Variants in ZNF516 observed in about 807,000 individuals in gnomAD.
The protein encoded by ZNF516 is zinc finger protein 516.
Under a neutral mutation model 79.7 loss-of-function variants are expected in ZNF516, and 19 were observed. The ratio of observed to expected loss-of-function variants is 0.24; its 90% CI spans 0.17 to 0.35. ZNF516 has a LOEUF of 0.35. Ranked by LOEUF, ZNF516 falls within the 10% of genes least tolerant of loss-of-function variation. The probability of loss-of-function intolerance (pLI) is 1.00; values close to 1 mark genes in which losing one functional copy is unlikely to be tolerated. For synonymous variants in ZNF516, 877 were observed against 739.5 expected, an observed-to-expected ratio of 1.19 and a Z score of -3.02; for missense variants, 1,678 against 1,679.5, an observed-to-expected ratio of 1.00 and a Z score of 0.02.
intron 3 of ZNF516, among the ~76,000 whole-genome samples, chr18:76,427,402 C>T (rs2075609799): frequency 6.6e-6 from 1 of 152,140 alleles, no homozygotes; most frequent in South Asian, 2.1e-4. Flanking sequence ...CATAACATAA[C>T]CTACCAGAAA....
intron 6 of ZNF516, among the ~76,000 whole-genome samples, chr18:76,367,098 C>T (rs141524648): frequency 1.5e-3 from 234 of 152,314 alleles, no homozygotes; most frequent in African/African-American, 5.1e-3. Flanking sequence ...TGAATTCTAT[C>T]TGGAAATGTT....
chr18:76,373,409 A>C (rs950692877), intron 4 of ZNF516, among the ~76,000 whole-genome samples: 4 of 152,158 alleles, frequency 2.6e-5, no homozygotes, highest in African/African-American at 9.7e-5. Context: ...TGCATTAGAA[A>C]CACCACCCAG....
At chr18:76,437,097 C>CACACACACACACAT (rs1158763514) in intron 3 of ZNF516, among the ~76,000 whole-genome samples, 1 of 151,180 alleles carries the variant, frequency 6.6e-6, no homozygotes, top group African/African-American at 2.5e-5. Flanking sequence ...CACACACACA[C>CACACACACACACAT]ACATACCGTC....
chr18:76,417,199 C>G (rs982835226), intron 3 of ZNF516, among the ~76,000 whole-genome samples: 4 of 152,164 alleles, frequency 2.6e-5, no homozygotes, highest in African/African-American at 9.7e-5. Context: ...CATCTGGTCC[C>G]TTATTCTCAA....
At chr18:76,423,851 G>T (rs1226321664) in intron 3 of ZNF516, among the ~76,000 whole-genome samples, 1 of 137,094 alleles carries the variant, frequency 7.3e-6, no homozygotes, top group East Asian at 2.3e-4. Flanking sequence ...AGGTGAAAAG[G>T]CTCCCCCAAA....
chr18:76,492,074 G>A (rs1222931684), intron 1 of ZNF516: 4 of 812,316 alleles, frequency 4.9e-6, no homozygotes, highest in Admixed American at 6.2e-5. Flanking sequence ...GCGCATGGAC[G>A]AGGTCCCTCC....
At chr18:76,371,353 C>T (rs530898953) in intron 5 of ZNF516, 114 bp downstream of exon 5, 1 of 1,108,480 alleles carries the variant, frequency 9.0e-7, no homozygotes, top group African/African-American at 1.6e-5. Flanking sequence ...CCCCCCGCCG[C>T]CTGGTAGGGG....
At position 76,441,251 on chromosome 18, in the gene ZNF516, C is replaced by T; in HGVS notation, c.1804G>A (p.Ala602Thr). 6.2e-7 allele frequency: 1 copy of T among 1,609,198 alleles called. No homozygotes were observed. The highest frequency in any genetic ancestry group is 8.5e-7 in the Non-Finnish European group (1 of 1,178,696). Residue 602 changes from alanine (A) to threonine (T), a missense_variant, in exon 3 of 7, where the codon GCA (alanine) becomes ACA (threonine). Coordinates refer to ENST00000443185, the MANE Select transcript of ZNF516 (RefSeq NM_014643.4). ...DSGEEGAPEPAPGGQPRRCCF... is the reference protein window; with the variant it reads ...DSGEEGAPEPTPGGQPRRCCF... ...CCTGGGTACACTTGCTCACCTGGTG[C>T]AGGTTCAGGGGCGCCCTCCTCACCA... is the stretch of plus-strand genomic sequence containing the variant.
chr18:76,456,519 G>C (rs1311707746), intron 2 of ZNF516, among the ~76,000 whole-genome samples: 1 of 152,116 alleles, frequency 6.6e-6, no homozygotes, highest in Non-Finnish European at 1.5e-5. Context: ...AAGCTAAGGA[G>C]TCCACCCAAG....
chr18:76,495,225 G>A lies in ZNF516; in HGVS notation c.-353C>T, dbSNP rs1181397769. 5 of 147,554 alleles carry A rather than the reference G, an allele frequency of 3.4e-5. No homozygotes were observed. The highest frequency in any genetic ancestry group is 3.0e-5 in the Non-Finnish European group (2 of 66,388). 9.1% of individuals were successfully genotyped at this position (147,554 alleles called of 1,614,324 possible). A position where few individuals can be genotyped will look rare whatever the true frequency, so the allele number is the denominator to read the frequency against. Reference sequence around the variant, plus strand: ...AGGTGAAGCCGAGCGCCCGCGGCGCGGAGCCGAGCGCTGCACTAGACCGAC... The same window carrying A: ...AGGTGAAGCCGAGCGCCCGCGGCGCAGAGCCGAGCGCTGCACTAGACCGAC... On this transcript the variant is annotated 5_prime_UTR_variant, in exon 1 of 7. Coordinates refer to ENST00000443185, the MANE Select transcript of ZNF516 (RefSeq NM_014643.4).
rs553981358 is a variant in ZNF516, at chr18:76,469,261, C to T, written c.-271-6120G>A. On this transcript the variant is annotated intron_variant, in intron 1 of 6. Transcript: ENST00000443185. ...TGAAATCACCAGTCCAAAATTACAC[C>T]CCAAACATATGATTATTAAGGATTT... Among the ~76,000 whole-genome samples the T allele has an allele frequency of 9.9e-5, 15 of 152,106 alleles. No individual in the cohort carries two copies. In the South Asian group the frequency reaches 1.5e-3, roughly 15 times the overall value.
intron 3 of ZNF516, among the ~76,000 whole-genome samples, chr18:76,437,115 C>T (rs568019126): frequency 1.4e-5 from 2 of 140,724 alleles, no homozygotes; most frequent in South Asian, 4.5e-4. Flanking sequence ...GTCTCTCACC[C>T]TCCCTAAGCT....
At chr18:76,446,432 G>A (rs1446369348) in intron 2 of ZNF516, among the ~76,000 whole-genome samples, 2 of 152,210 alleles carry the variant, frequency 1.3e-5, no homozygotes, top group South Asian at 2.1e-4. Flanking sequence ...CAGCAGCACA[G>A]CCTCGGCATC....
In ZNF516 at chr18:76,463,128, G is replaced by A. The variant is rs1176398691; in HGVS notation, c.-258C>T. ...TCAGAGAAGGACCGAACTCCACTCG[G>A]CCTCTCTCAGATTCTGAAATGAGGA... On this transcript the variant is annotated 5_prime_UTR_variant, in exon 2 of 7. Transcript: ENST00000443185. 2.6e-5 allele frequency: 4 copies of A among 152,186 alleles called. No homozygotes were observed. Among genetic ancestry groups the A allele is most frequent in the Non-Finnish European group, 4.4e-5 (3 of 68,036 alleles). The allele number at this position is 152,186 out of a possible 1,614,324, so 9.4% of individuals were successfully genotyped here.
chr18:76,424,750 CTCCCCCAAAACACACGCAGGTGAAAAGGT>C (rs2075568181), intron 3 of ZNF516, among the ~76,000 whole-genome samples: 4 of 139,156 alleles, frequency 2.9e-5, no homozygotes, highest in South Asian at 2.4e-4. Context: ...GGTGAAAAGG[CTCCCCCAAAACACACGCAGGTGAAAAGGT>C]TCCCCCGAAA....
chr18:76,392,554 G>GGGGAAAGGTGGATGGGAAGGCAGGTGA (rs2075090020), intron 3 of ZNF516, among the ~76,000 whole-genome samples: 1 of 136,098 alleles, frequency 7.3e-6, no homozygotes, highest in Non-Finnish European at 1.6e-5. Context: ...AAGGCAGGTG[G>GGGGAAAGGTGGATGGGAAGGCAGGTGA]CCACGTGGGG....
upstream of ZNF516, chr18:76,496,413 T>C (rs761900161): frequency 1.0e-4 from 131 of 1,289,594 alleles, 1 homozygote; most frequent in African/African-American, 1.8e-3. Flanking sequence ...GCGGCGTCTC[T>C]CTCTGCGCCT....
At chr18:76,389,353 A>G (rs2075037717) in intron 3 of ZNF516, 1 of 152,144 alleles carries the variant, frequency 6.6e-6, no homozygotes, top group African/African-American at 2.4e-5. Context: ...AAGATAGGAC[A>G]AATAAACAGA....
chr18:76,490,929 C>G, intron 1 of ZNF516: 1 of 985,598 alleles, frequency 1.0e-6, no homozygotes, highest in Non-Finnish European at 1.2e-6. Flanking sequence ...GCCTCTTTAC[C>G]GCGGAGACAC....
Sources: allele counts gnomAD v4.1 joint callset (sites outside exome capture counted in the v4.1 genomes callset), GRCh38; gene constraint gnomAD v4.1.1; transcripts MANE v1.5; gene names NCBI Gene and HGNC (gene_info 2026-07-23, HGNC 2026-07-21).